The following ACTN4 variants were observed in gnomAD, a reference collection of about 807,000 sequenced individuals.
The protein encoded by ACTN4 is actinin alpha 4, also known as alpha-actinin-4.
ACTN4 carries 18 observed loss-of-function variants against 114.2 expected under a neutral mutation model. The observed-to-expected ratio is 0.16, with a 90% confidence interval of 0.11 to 0.23. ACTN4 has a LOEUF of 0.23. ACTN4 is among the 10% of genes least tolerant of loss of function. ACTN4 has a pLI of 1.00. For missense variants in ACTN4, 722 were observed against 1,262.9 expected (o/e 0.57, Z 6.49); for synonymous variants, 515 against 506.3 (o/e 1.02, Z -0.23).
chr19:38,706,912 C>G (rs8105080), intron 5 of ACTN4, among the ~76,000 whole-genome samples: 8,613 of 152,310 alleles, frequency 0.057, 260 homozygotes, highest in South Asian at 0.096. Context: ...AGCATGGGCA[C>G]TGCCGCATGA....
intron 1 of ACTN4, among the ~76,000 whole-genome samples, chr19:38,699,679 C>G (rs140074932): frequency 0.02 from 2,962 of 151,688 alleles, 132 homozygotes; most frequent in South Asian, 0.15. Context: ...CGCTTGAACC[C>G]AGGAGGTAGA....
chr19:38,687,231 C>T (rs528488030), intron 1 of ACTN4, among the ~76,000 whole-genome samples: 4 of 152,110 alleles, frequency 2.6e-5, no homozygotes, highest in African/African-American at 4.8e-5. Context: ...CTCAGCCCCC[C>T]CAAAGTGCTG....
chr19:38,700,964 C>CT, intron 2 of ACTN4, 38 bp from the exon 3 acceptor site: 1 of 1,609,218 alleles, frequency 6.2e-7, no homozygotes, highest in South Asian at 1.1e-5. Context: ...TTCTCTCTCT[C>CT]TGTCTCGCCC....
chr19:38,673,488 CATATATATTT>C lies in ACTN4; in HGVS notation c.162+25590_162+25599del, dbSNP rs1474519488. Among the ~76,000 whole-genome samples, 3 of 45,798 alleles carry C rather than the reference CATATATATTT, an allele frequency of 6.6e-5. No homozygotes were observed. In the South Asian group the frequency reaches 1.7e-3, roughly 26 times the overall value. The allele number at this position is 45,798 out of a possible 152,430, so 30.0% of individuals were successfully genotyped here. A position where few individuals can be genotyped will look rare whatever the true frequency, so the allele number is the denominator to read the frequency against. On this transcript the variant is annotated intron_variant, in intron 1 of 20. Transcript: ENST00000252699. ...ATTTATATATATTTATATATATATT[CATATATATTT>C]ATATATATGAATATATATTTATATA...
rs1039706200 is a variant in ACTN4 at position 38,721,949 on chromosome 19, C to A, written c.1442+261C>A. The A allele has an allele frequency of 1.2e-5, 7 of 565,216 alleles. No homozygotes were observed. In the African/African-American group the frequency reaches 1.3e-4, roughly 11 times the overall value. The allele number at this position is 565,216 out of a possible 1,614,324, so 35.0% of individuals were successfully genotyped here. The stretch of plus-strand genomic sequence containing the variant: ...AGGTGTCTGGCCCCTTGTCTTGATT[C>A]TTCAGGCTTTAGGGGTCCCTGGGGG... On this transcript the variant is annotated intron_variant, in intron 12 of 20. Coordinates refer to ENST00000252699, the MANE Select transcript of ACTN4 (RefSeq NM_004924.6).
chr19:38,715,774 G>T (rs919735822), intron 9 of ACTN4, among the ~76,000 whole-genome samples: 1 of 152,202 alleles, frequency 6.6e-6, no homozygotes, highest in Non-Finnish European at 1.5e-5. Context: ...CTGGCAGCAC[G>T]CCTCACAATG....
At chr19:38,679,188 G>A (rs1417260611) in intron 1 of ACTN4, among the ~76,000 whole-genome samples, 2 of 152,192 alleles carry the variant, frequency 1.3e-5, no homozygotes, top group African/African-American at 2.4e-5. Flanking sequence ...GCCTTTCCTT[G>A]TGGATTCCAT....
intron 3 of ACTN4, among the ~76,000 whole-genome samples, chr19:38,704,407 T>C (rs2145006913): frequency 6.6e-6 from 1 of 152,308 alleles, no homozygotes; most frequent in Admixed American, 6.5e-5. Context: ...AGTGGCTTGG[T>C]GGAGAGTGTC....
At chr19:38,714,321 G>C (rs73038924) in intron 8 of ACTN4, 148 bp from the exon 9 acceptor site, 79 of 755,526 alleles carry the variant, frequency 1.0e-4, no homozygotes, top group Non-Finnish European at 1.6e-4. Flanking sequence ...TATTGGGACA[G>C]GGCACCATCT....
At chr19:38,679,685 T>G (rs1967495059) in intron 1 of ACTN4, among the ~76,000 whole-genome samples, 1 of 151,828 alleles carries the variant, frequency 6.6e-6, no homozygotes, top group Non-Finnish European at 1.5e-5. Context: ...TCTGAACTCC[T>G]GGGCTTGCTT....
chr19:38,674,133 G>A (rs549862572), intron 1 of ACTN4, among the ~76,000 whole-genome samples: 215 of 152,214 alleles, frequency 1.4e-3, no homozygotes, highest in African/African-American at 4.8e-3. Flanking sequence ...GACAGTGGGG[G>A]ACTTGCAATA....
chr19:38,662,238 C>G (rs1262850913), intron 1 of ACTN4, among the ~76,000 whole-genome samples: 1 of 152,172 alleles, frequency 6.6e-6, no homozygotes, highest in East Asian at 1.9e-4. Context: ...GGCTTTTACT[C>G]AAGGAGGGAG....
At chr19:38,706,803 G>GTGGC (rs1219825773) in intron 5 of ACTN4, among the ~76,000 whole-genome samples, 8 of 152,358 alleles carry the variant, frequency 5.3e-5, no homozygotes, top group African/African-American at 1.9e-4. Flanking sequence ...AATGTACTCT[G>GTGGC]TGGCTGCTAA....
chr19:38,697,807 T>C (rs1968142465), intron 1 of ACTN4, among the ~76,000 whole-genome samples: 1 of 152,230 alleles, frequency 6.6e-6, no homozygotes, highest in Non-Finnish European at 1.5e-5. Flanking sequence ...CAGTGCCTGC[T>C]CTCAGGCACA....
rs749953905 is a variant in ACTN4, at chr19:38,724,573, A to G, written c.2010+8A>G. 1 of 1,613,348 alleles carries G rather than the reference A, an allele frequency of 6.2e-7. No homozygotes were observed. The highest frequency in any genetic ancestry group is 8.5e-7 in the Non-Finnish European group (1 of 1,179,924). ...ATCCAGACCAAGATGGAGGTGAGGCACGGCTGAGCCCCACAGAGCTGAGAA... is the reference window on the plus strand; with the variant it reads ...ATCCAGACCAAGATGGAGGTGAGGCGCGGCTGAGCCCCACAGAGCTGAGAA... On this transcript the variant is annotated splice_region_variant and intron_variant, in intron 16 of 20. Coordinates refer to ENST00000252699, the MANE Select transcript of ACTN4 (RefSeq NM_004924.6). The surrounding 1 kb of genome is among the most constrained non-coding windows in gnomAD (Gnocchi z 7.0).
At chr19:38,650,699 C>T (rs1976535627) in intron 1 of ACTN4, among the ~76,000 whole-genome samples, 1 of 152,178 alleles carries the variant, frequency 6.6e-6, no homozygotes, top group Admixed American at 6.5e-5. Flanking sequence ...TCTCTACCTT[C>T]CTACTAAGAA....
chr19:38,722,401 AC>A (rs1437321356), intron 12 of ACTN4, among the ~76,000 whole-genome samples: 3 of 151,492 alleles, frequency 2.0e-5, no homozygotes, highest in Non-Finnish European at 4.4e-5. Context: ...TTCCACCGAC[AC>A]CCCCACCCCA....
intron 1 of ACTN4, among the ~76,000 whole-genome samples, chr19:38,680,220 T>TTG (rs1426305967): frequency 1.8e-3 from 43 of 24,236 alleles, no homozygotes; most frequent in African/African-American, 3.2e-3. Flanking sequence ...AAGTTTTTTT[T>TTG]TTTTTTTTTT....
At chr19:38,675,353 C>G (rs1967339791) in intron 1 of ACTN4, among the ~76,000 whole-genome samples, 1 of 152,208 alleles carries the variant, frequency 6.6e-6, no homozygotes, top group Non-Finnish European at 1.5e-5. Context: ...ACAATCATGG[C>G]TCATTGCAGC....
Sources: allele counts gnomAD v4.1 joint callset (sites outside exome capture counted in the v4.1 genomes callset), GRCh38; gene constraint gnomAD v4.1.1; non-coding constraint Gnocchi (gnomAD v3.1); transcripts MANE v1.5; gene names NCBI Gene and HGNC (gene_info 2026-07-23, HGNC 2026-07-21).